Variants in TMEM26 observed in about 807,000 individuals in gnomAD.
The protein encoded by TMEM26 is transmembrane protein 26.
TMEM26 carries 38 observed loss-of-function variants against 28.8 expected under a neutral mutation model. The observed-to-expected ratio is 1.32, with a 90% CI of 1.02 to 1.73. TMEM26 has a LOEUF of 1.73. TMEM26 is among the 40% of genes most tolerant of loss of function. The pLI is 0.00. For synonymous variants in TMEM26, 227 were observed against 182.9 expected, an observed-to-expected ratio of 1.24 and a Z score of -1.95; for missense variants, 518 against 447.1, an observed-to-expected ratio of 1.16 and a Z score of -1.43.
At position 61,410,553 on chromosome 10, in the gene TMEM26, C is replaced by A. The variant is rs1589022806; in HGVS notation, c.876G>T (p.Lys292Asn). The A allele has an allele frequency of 6.2e-7, 1 of 1,614,126 alleles. No homozygotes were observed. Among genetic ancestry groups the A allele is most frequent in the Non-Finnish European group, 8.5e-7 (1 of 1,180,012 alleles). Residue 292 changes from lysine to asparagine, a missense_variant, in exon 6 of 6, where the codon AAG (lysine) becomes AAT (asparagine). By Grantham distance (94) the Lys-to-Asn change is moderately conservative (BLOSUM62 0). Coordinates refer to ENST00000399298, the MANE Select transcript of TMEM26 (RefSeq NM_178505.8). Reference protein sequence around the residue: ...INQMLVFFAAKNFLVVVLQLY... With the variant: ...INQMLVFFAANNFLVVVLQLY... ...GTTGCAACACCACCACGAGGAAGTTCTTCGCGGCAAAGAACACCAGCATCT... is the reference window on the plus strand; with the variant it reads ...GTTGCAACACCACCACGAGGAAGTTATTCGCGGCAAAGAACACCAGCATCT...
chr10:61,431,856 C>T (rs564826178), intron 2 of TMEM26, among the ~76,000 whole-genome samples: 8 of 152,018 alleles, frequency 5.3e-5, no homozygotes, highest in African/African-American at 1.7e-4. Flanking sequence ...ACCTGATAAG[C>T]AGCCTTCCAA....
At chr10:61,441,937 A>C (rs1840099533) in intron 1 of TMEM26, among the ~76,000 whole-genome samples, 2 of 152,076 alleles carry the variant, frequency 1.3e-5, no homozygotes, top group Admixed American at 1.3e-4. Flanking sequence ...CATAGCTCTT[A>C]GCCTACCTAC....
intron 3 of TMEM26, among the ~76,000 whole-genome samples, chr10:61,429,836 A>G (rs907702666): frequency 6.6e-6 from 1 of 152,066 alleles, no homozygotes; most frequent in African/African-American, 2.4e-5. Context: ...TTGCCCAATT[A>G]CATTCTAAAT....
At chr10:61,410,849 T>C (rs2135283797) in intron 5 of TMEM26, 103 bp from the exon 6 acceptor site, 4 of 1,123,064 alleles carry the variant, frequency 3.6e-6, no homozygotes, top group South Asian at 3.2e-5. Flanking sequence ...GTGCTAGTAA[T>C]AATTCTGTGA....
chr10:61,446,424 T>TAAAGCAGATCA (rs1163757090), intron 1 of TMEM26, among the ~76,000 whole-genome samples: 1 of 152,134 alleles, frequency 6.6e-6, no homozygotes, highest in Non-Finnish European at 1.5e-5. Context: ...GATATCTCAA[T>TAAAGCAGATCA]AAAGCAGATC....
Position 61,423,792 on chromosome 10 carries a change from T to A in TMEM26, c.605+5134A>T, listed in dbSNP as rs76827495. On this transcript the variant is annotated intron_variant, in intron 4 of 5. Transcript: ENST00000399298. ...TAGAATTTATCTCAGGAAGTCAAGG[T>A]TGGTTTAATATCTGAAAATTAATTA... Among the ~76,000 whole-genome samples the A allele has an allele frequency of 1.6e-4, 24 of 152,224 alleles. No homozygotes were observed. The East Asian group carries it at 4.4e-3, about 28-fold the overall frequency.
chr10:61,438,880 G>A (rs1840048426), intron 1 of TMEM26, among the ~76,000 whole-genome samples: 1 of 152,118 alleles, frequency 6.6e-6, no homozygotes, highest in Non-Finnish European at 1.5e-5. Flanking sequence ...AAAAGCTTTG[G>A]AAAGTTCCTC....
chr10:61,413,016 A>T (rs749295306), intron 5 of TMEM26: 3 of 1,213,584 alleles, frequency 2.5e-6, no homozygotes, highest in South Asian at 1.4e-5. Context: ...AAGAATGAAA[A>T]TTACTTCTTA....
chr10:61,452,711 G>A lies in TMEM26; in HGVS notation c.191+180C>T, dbSNP rs971021912. 3.0e-6 allele frequency: 2 copies of A among 674,310 alleles called. 1 individual carries two copies. The highest frequency in any genetic ancestry group is 5.0e-6 in the Non-Finnish European group (2 of 398,278). The allele number at this position is 674,310 out of a possible 1,614,324, so 41.8% of individuals were successfully genotyped here. On this transcript the variant is annotated intron_variant, in intron 1 of 5. Coordinates refer to ENST00000399298, the MANE Select transcript of TMEM26 (RefSeq NM_178505.8). ...TTCCCAGTGTTGCACTGGGACCCTA[G>A]GGTGGCCCTGGGGTGCCCAAGAGAT... is the stretch of plus-strand genomic sequence containing the variant.
chr10:61,436,847 T>G (rs1460170156), intron 1 of TMEM26, among the ~76,000 whole-genome samples: 1 of 152,320 alleles, frequency 6.6e-6, no homozygotes, highest in Middle Eastern at 3.4e-3. Flanking sequence ...GTTATCTATA[T>G]TCACTGTTTT....
At chr10:61,419,288 T>C (rs1589028257) in intron 4 of TMEM26, among the ~76,000 whole-genome samples, 1 of 152,170 alleles carries the variant, frequency 6.6e-6, no homozygotes, top group East Asian at 1.9e-4. Flanking sequence ...AATATCTAAC[T>C]TACAATCAAG....
At chr10:61,419,264 A>G (rs1839704262) in intron 4 of TMEM26, among the ~76,000 whole-genome samples, 2 of 152,128 alleles carry the variant, frequency 1.3e-5, no homozygotes, top group Admixed American at 6.6e-5. Context: ...GATATATAAA[A>G]GAAAAAATCC....
chr10:61,442,903 C>A (rs1020504469), intron 1 of TMEM26, among the ~76,000 whole-genome samples: 2 of 152,164 alleles, frequency 1.3e-5, no homozygotes, highest in Non-Finnish European at 2.9e-5. Flanking sequence ...TTTCCTCTAC[C>A]TCTCTTCAAC....
intron 4 of TMEM26, among the ~76,000 whole-genome samples, chr10:61,425,009 T>C (rs1476370354): frequency 1.3e-5 from 2 of 152,182 alleles, no homozygotes; most frequent in East Asian, 1.9e-4. Flanking sequence ...ATGCTGCTGA[T>C]AAAGACATAC....
At chr10:61,433,594 A>G (rs149435164) in intron 2 of TMEM26, among the ~76,000 whole-genome samples, 90 of 152,272 alleles carry the variant, frequency 5.9e-4, no homozygotes, top group African/African-American at 2.1e-3. Flanking sequence ...GTTCCCATAC[A>G]TGTACACCCA....
chr10:61,418,089 C>A (rs1043697437), intron 4 of TMEM26, among the ~76,000 whole-genome samples: 10 of 151,698 alleles, frequency 6.6e-5, no homozygotes, highest in Admixed American at 5.3e-4. Flanking sequence ...TTTAATTGTA[C>A]TGAATGAAGT....
In TMEM26 at chr10:61,446,817, C is replaced by CAAA. The variant is rs34030340; in HGVS notation, c.191+6071_191+6073dup. Among the ~76,000 whole-genome samples, 173 of 33,968 alleles carry CAAA rather than the reference C, an allele frequency of 5.1e-3. 10 individuals are homozygous for CAAA. Among genetic ancestry groups the CAAA allele is most frequent in the Admixed American group, 6.5e-3 (11 of 1,682 alleles). The allele number at this position is 33,968 out of a possible 152,430, so 22.3% of individuals were successfully genotyped here. A position where few individuals can be genotyped will look rare whatever the true frequency, so the allele number is the denominator to read the frequency against. On this transcript the variant is annotated intron_variant, in intron 1 of 5. Transcript: ENST00000399298. The stretch of plus-strand genomic sequence containing the variant: ...CTGGCGACAGAGCGAGACTCCATCT[C>CAAA]AAAAAAAAAAAAAAAAAAAAAAAAA...
rs979806436 is a variant in TMEM26, at chr10:61,408,927, T to C, written c.*1395A>G. 1.3e-5 allele frequency: 2 copies of C among 152,174 alleles called. No individual in the cohort carries two copies. The highest frequency in any genetic ancestry group is 4.8e-5 in the African/African-American group (2 of 41,444). The allele number at this position is 152,174 out of a possible 1,614,324, so 9.4% of individuals were successfully genotyped here. On this transcript the variant is annotated 3_prime_UTR_variant, in exon 6 of 6. Coordinates refer to ENST00000399298, the MANE Select transcript of TMEM26 (RefSeq NM_178505.8). ...ATAGGTATCATGTCACCCAGAGAGT[T>C]ACAGATAAAATTGTCCCAACTGGTT...
Position 61,409,057 on chromosome 10 carries a change from G to A in TMEM26, c.*1265C>T, listed in dbSNP as rs1403279663. On this transcript the variant is annotated 3_prime_UTR_variant, in exon 6 of 6. Coordinates refer to ENST00000399298, the MANE Select transcript of TMEM26 (RefSeq NM_178505.8). ...ATTAGGTTTTGAACCTAAAAGAACAGTTTTGGAACTGTTTGCCTCGTGTAA... is the reference window on the plus strand; with the variant it reads ...ATTAGGTTTTGAACCTAAAAGAACAATTTTGGAACTGTTTGCCTCGTGTAA... 1 of 152,128 alleles carries A rather than the reference G, an allele frequency of 6.6e-6. No homozygotes were observed. Among genetic ancestry groups the A allele is most frequent in the African/African-American group, 2.4e-5 (1 of 41,418 alleles). 9.4% of individuals were successfully genotyped at this position (152,128 alleles called of 1,614,324 possible). A position where few individuals can be genotyped will look rare whatever the true frequency, so the allele number is the denominator to read the frequency against.
Sources: allele counts gnomAD v4.1 joint callset (sites outside exome capture counted in the v4.1 genomes callset), GRCh38; gene constraint gnomAD v4.1.1; transcripts MANE v1.5; gene names NCBI Gene and HGNC (gene_info 2026-07-23, HGNC 2026-07-21).